NINL: variants seen among roughly 807,000 people sequenced by gnomAD.
NINL encodes ninein-like protein.
In NINL, 153 loss-of-function variants were observed where a neutral mutation model predicts 160.3. The observed-to-expected ratio is 0.95, with a 90% CI of 0.84 to 1.09. The LOEUF (loss-of-function observed/expected upper bound fraction) is 1.09, where lower values mean the gene tolerates loss of function less well. Among genes scored for constraint, NINL ranks in the 50% least tolerant of loss-of-function variants. The probability of loss-of-function intolerance (pLI) is 0.00; values close to 1 mark genes in which losing one functional copy is unlikely to be tolerated. For missense variants in NINL, 1,829 were observed against 1,764.0 expected (o/e 1.04, Z -0.66); for synonymous variants, 800 against 734.8 (o/e 1.09, Z -1.43).
At chr20:25,556,267 G>C (rs375063046) in intron 1 of NINL, among the ~76,000 whole-genome samples, 2 of 152,148 alleles carry the variant, frequency 1.3e-5, no homozygotes, top group African/African-American at 4.8e-5. Flanking sequence ...CTGGGTGACA[G>C]AGCAAGACCC....
rs371933006 is a variant in NINL, at chr20:25,498,332, G to A, written c.1047C>T (p.Ser349=). The part of the protein sequence containing the change: ...GREILQSLDF[S]VDEKVNLLEL... The stretch of plus-strand genomic sequence containing the variant: ...CCAGAAGGTTCACCTTCTCGTCCAC[G>A]CTGAAGTCCAGGCTCTGGAAGCAGC... The change falls in exon 9 of 24, where the codon AGC becomes AGT. Residue 349 remains serine, a synonymous_variant. Transcript: ENST00000278886. The A allele has an allele frequency of 1.9e-5, 30 of 1,612,658 alleles. No individual in the cohort carries two copies. In the African/African-American group the frequency reaches 2.3e-4, roughly 12 times the overall value.
At chr20:25,577,530 C>T (rs2065127766) in intron 1 of NINL, among the ~76,000 whole-genome samples, 1 of 152,236 alleles carries the variant, frequency 6.6e-6, no homozygotes, top group Admixed American at 6.5e-5. Flanking sequence ...CGAGCAGACT[C>T]TCCCTGTTGA....
chr20:25,494,785 GC>G (rs374620199), intron 10 of NINL, among the ~76,000 whole-genome samples: 22 of 152,326 alleles, frequency 1.4e-4, no homozygotes, highest in African/African-American at 4.8e-4. Context: ...CTTAGAGCTG[GC>G]CCCGGACTGT....
Position 25,476,684 on chromosome 20 carries a change from A to G in NINL, c.2607T>C (p.Ser869=), listed in dbSNP as rs765913406. 1.9e-5 allele frequency: 30 copies of G among 1,592,656 alleles called. No homozygotes were observed. In the Admixed American group the frequency reaches 2.9e-4, roughly 15 times the overall value. ...GAGGCCCGGCTCCTGCCGCCTCCTCAGACTCTCTGCCATCACCTGGGGCCA... is the reference window on the plus strand; with the variant it reads ...GAGGCCCGGCTCCTGCCGCCTCCTCGGACTCTCTGCCATCACCTGGGGCCA... The part of the protein sequence containing the change: ...AWLAPGDGRE[S]EEAAGAGPRR... Residue 869 remains serine (S), a synonymous_variant, in exon 17 of 24, where the codon TCT becomes TCC. Transcript: ENST00000278886.
chr20:25,543,221 T>C (rs8117253), intron 1 of NINL, among the ~76,000 whole-genome samples: 13,446 of 152,032 alleles, frequency 0.088, 968 homozygotes, highest in African/African-American at 0.2. Context: ...AATAAGTGAA[T>C]TCAGCAAAAT....
intron 2 of NINL, 66 bp from the exon 3 acceptor site, chr20:25,517,915 T>G (rs1371750475): frequency 2.1e-6 from 2 of 972,996 alleles, no homozygotes; most frequent in Non-Finnish European, 3.1e-6. Context: ...CAAAAGTGAC[T>G]CTTTTGGATT....
chr20:25,500,836 A>C lies in NINL; in HGVS notation c.1032+4T>G. 2 of 1,612,930 alleles carry C rather than the reference A, an allele frequency of 1.2e-6. No individual in the cohort carries two copies. The highest frequency in any genetic ancestry group is 1.7e-6 in the Non-Finnish European group (2 of 1,179,382). On this transcript the variant is annotated splice_donor_region_variant and intron_variant, in intron 8 of 23. Coordinates refer to ENST00000278886, the MANE Select transcript of NINL (RefSeq NM_025176.6). Reference sequence around the variant, plus strand: ...TCCAGCTTAGGCATCACCCAGTTCCAAACCTGCAAGATCTCCCTGCCATTC... The same window carrying C: ...TCCAGCTTAGGCATCACCCAGTTCCCAACCTGCAAGATCTCCCTGCCATTC...
intron 22 of NINL, among the ~76,000 whole-genome samples, chr20:25,457,636 G>A (rs766739010): frequency 2.0e-5 from 3 of 152,118 alleles, no homozygotes; most frequent in Non-Finnish European, 2.9e-5. Flanking sequence ...TTTTCAAGTC[G>A]TGCGCCAATT....
chr20:25,467,273 C>T (rs896645180), intron 19 of NINL, 116 bp downstream of exon 19: 32 of 942,738 alleles, frequency 3.4e-5, no homozygotes, highest in Middle Eastern at 2.2e-4. Flanking sequence ...CAGCAACTCA[C>T]TGTCAAGTCT....
chr20:25,558,011 T>G (rs1024913083), intron 1 of NINL, among the ~76,000 whole-genome samples: 2 of 148,802 alleles, frequency 1.3e-5, no homozygotes, highest in African/African-American at 4.9e-5. Flanking sequence ...TATGGTGGCA[T>G]GCGCCTGTAA....
At chr20:25,542,995 G>A (rs1238563011) in intron 1 of NINL, among the ~76,000 whole-genome samples, 14 of 137,696 alleles carry the variant, frequency 1.0e-4, no homozygotes, top group Admixed American at 3.3e-4. Flanking sequence ...AGCCAAGATC[G>A]CACCACTGCA....
intron 1 of NINL, among the ~76,000 whole-genome samples, chr20:25,527,333 T>C (rs1396802407): frequency 2.0e-5 from 3 of 152,220 alleles, no homozygotes; most frequent in African/African-American, 7.2e-5. Flanking sequence ...TTTCTATTTT[T>C]ACTAGAGACG....
intron 17 of NINL, among the ~76,000 whole-genome samples, chr20:25,470,903 C>T (rs912385436): frequency 1.3e-5 from 2 of 152,204 alleles, no homozygotes; most frequent in African/African-American, 4.8e-5. Flanking sequence ...ATTCTTAATA[C>T]TGACTGGTAA....
chr20:25,514,373 T>C (rs949920722), intron 3 of NINL, among the ~76,000 whole-genome samples: 1 of 152,368 alleles, frequency 6.6e-6, no homozygotes, highest in African/African-American at 2.4e-5. Context: ...ATTCAAGATG[T>C]GCCCTGGCTG....
At chr20:25,529,211 T>C (rs533743659) in intron 1 of NINL, among the ~76,000 whole-genome samples, 2 of 152,152 alleles carry the variant, frequency 1.3e-5, no homozygotes, top group African/African-American at 4.8e-5. Context: ...GATTCAAGGC[T>C]ACAGTGAGCC....
At chr20:25,547,605 G>A (rs908539445) in intron 1 of NINL, among the ~76,000 whole-genome samples, 5 of 152,176 alleles carry the variant, frequency 3.3e-5, no homozygotes, top group Non-Finnish European at 7.3e-5. Context: ...GAAGAGAATT[G>A]GAGAATTACG....
chr20:25,527,139 G>A (rs2146966947), intron 1 of NINL, among the ~76,000 whole-genome samples: 1 of 151,790 alleles, frequency 6.6e-6, no homozygotes, highest in East Asian at 1.9e-4. Flanking sequence ...TTAATATTTT[G>A]ACCAGCATAC....
At chr20:25,459,182 C>T (rs1446250487) in intron 21 of NINL, among the ~76,000 whole-genome samples, 1 of 152,226 alleles carries the variant, frequency 6.6e-6, no homozygotes, top group Non-Finnish European at 1.5e-5. Flanking sequence ...CCTTACTCAC[C>T]TGAGACCCCA....
intron 19 of NINL, among the ~76,000 whole-genome samples, chr20:25,467,150 T>G (rs987945926): frequency 6.6e-6 from 1 of 152,194 alleles, no homozygotes; most frequent in Non-Finnish European, 1.5e-5. Flanking sequence ...TGGTCCCAAC[T>G]ACTGCGTGCC....
Sources: gnomAD v4.1 joint callset for allele counts (sites outside exome capture counted in the v4.1 genomes callset) on GRCh38, gnomAD v4.1.1 for gene constraint, MANE v1.5 for transcripts, NCBI Gene and HGNC (gene_info 2026-07-23, HGNC 2026-07-21) for gene names.